TIAM1: variants seen among roughly 807,000 people sequenced by gnomAD.
TIAM1 encodes the protein rho guanine nucleotide exchange factor TIAM1.
In TIAM1, 65 loss-of-function variants were observed where a neutral mutation model predicts 163.5. That is an observed-to-expected ratio of 0.40 (90% CI 0.33 to 0.49). TIAM1 has a LOEUF of 0.49. Among genes scored for constraint, TIAM1 ranks in the 20% least tolerant of loss-of-function variants. The pLI is 0.77. For missense variants in TIAM1, 1,789 were observed against 2,044.7 expected (o/e 0.87, Z 2.41); for synonymous variants, 833 against 810.1 (o/e 1.03, Z -0.48).
rs577463432 is a variant in TIAM1 at position 31,144,652 on chromosome 21, A to AC, written c.3475+2242dup. ...AGACCAGCCTGGCCAACATGGTGAG[A>AC]CCCCCGTCTCTACTAAAAATACAAA... On this transcript the variant is annotated intron_variant, in intron 20 of 27. Coordinates refer to ENST00000541036, the MANE Select transcript of TIAM1 (RefSeq NM_001353694.2). Among the ~76,000 whole-genome samples the AC allele has an allele frequency of 7.6e-3, 1,157 of 151,522 alleles. 8 individuals are homozygous for AC. The highest frequency in any genetic ancestry group is 0.014 in the Middle Eastern group (4 of 294).
chr21:31,451,161 G>A (rs771473525), intron 2 of TIAM1, among the ~76,000 whole-genome samples: 1 of 151,872 alleles, frequency 6.6e-6, no homozygotes, highest in Non-Finnish European at 1.5e-5. Flanking sequence ...GGAGCAATAT[G>A]CGGCTCCGAG....
At chr21:31,442,430 A>G (rs1290147639) in intron 2 of TIAM1, among the ~76,000 whole-genome samples, 1 of 151,882 alleles carries the variant, frequency 6.6e-6, no homozygotes, top group Non-Finnish European at 1.5e-5. Context: ...ACAGGGTTTC[A>G]CCATGTTGGC....
intron 22 of TIAM1, among the ~76,000 whole-genome samples, chr21:31,136,581 G>T (rs879636466): frequency 2.1e-4 from 32 of 152,272 alleles, no homozygotes; most frequent in Admixed American, 7.2e-4. Flanking sequence ...ACAGGGGAGA[G>T]AAAAGGCTCA....
intron 2 of TIAM1, among the ~76,000 whole-genome samples, chr21:31,430,950 C>T (rs1206146820): frequency 6.6e-6 from 1 of 152,148 alleles, no homozygotes; most frequent in African/African-American, 2.4e-5. Flanking sequence ...CATGATCTGG[C>T]CACTGATCTT....
chr21:31,232,524 T>C (rs1383988606), intron 6 of TIAM1, among the ~76,000 whole-genome samples: 1 of 152,184 alleles, frequency 6.6e-6, no homozygotes, highest in Admixed American at 6.5e-5. Flanking sequence ...CAAAAGCTAG[T>C]TGGGTGGAGA....
intron 16 of TIAM1, chr21:31,160,694 C>T (rs369574019): frequency 2.0e-5 from 8 of 391,930 alleles, no homozygotes; most frequent in East Asian, 3.6e-5. Context: ...TGAAAATCTA[C>T]GGCCACGTCT....
chr21:31,398,695 A>C, intron 2 of TIAM1, among the ~76,000 whole-genome samples: 1 of 152,264 alleles, frequency 6.6e-6, no homozygotes, highest in East Asian at 1.9e-4. Flanking sequence ...TACAATAACA[A>C]GGGCATTAGC....
At chr21:31,333,716 G>A (rs1283356600) in intron 2 of TIAM1, among the ~76,000 whole-genome samples, 1 of 152,156 alleles carries the variant, frequency 6.6e-6, no homozygotes, top group African/African-American at 2.4e-5. Context: ...CTGGGACTAT[G>A]GGCATGGGCC....
rs370981512 is a variant in TIAM1, at chr21:31,124,503, G to A, written c.4306+19C>T. 41 of 1,611,212 alleles carry A rather than the reference G, an allele frequency of 2.5e-5. No individual in the cohort carries two copies. Among genetic ancestry groups the A allele is most frequent in the African/African-American group, 4.0e-5 (3 of 74,820 alleles). On this transcript the variant is annotated intron_variant, in intron 27 of 27. Coordinates refer to ENST00000541036, the MANE Select transcript of TIAM1 (RefSeq NM_001353694.2). ...AGTGGGGGTGACGGGAATCTTGAAC[G>A]TCCGAATCCCCACAGTACCTGCCCT...
chr21:31,280,228 G>A (rs2073487949), intron 2 of TIAM1, among the ~76,000 whole-genome samples: 1 of 152,184 alleles, frequency 6.6e-6, no homozygotes, highest in African/African-American at 2.4e-5. Flanking sequence ...ACATTCCCAC[G>A]TGTCATGGGA....
At chr21:31,472,481 C>T (rs1470067926) in intron 1 of TIAM1, among the ~76,000 whole-genome samples, 1 of 152,040 alleles carries the variant, frequency 6.6e-6, no homozygotes, top group Non-Finnish European at 1.5e-5. Flanking sequence ...GAGCCGAGAT[C>T]GTGCCACTGC....
intron 1 of TIAM1, among the ~76,000 whole-genome samples, chr21:31,531,772 A>C (rs1275733455): frequency 6.6e-6 from 1 of 151,830 alleles, no homozygotes; most frequent in Non-Finnish European, 1.5e-5. Flanking sequence ...AAAAAAAAAA[A>C]AAGATGCCTC....
At chr21:31,363,896 A>G (rs2076452753) in intron 2 of TIAM1, among the ~76,000 whole-genome samples, 1 of 152,078 alleles carries the variant, frequency 6.6e-6, no homozygotes, top group African/African-American at 2.4e-5. Flanking sequence ...CAGGAAAAAA[A>G]GGGGGAGGGG....
chr21:31,214,127 C>T (rs2146580945), intron 9 of TIAM1, among the ~76,000 whole-genome samples: 1 of 152,070 alleles, frequency 6.6e-6, no homozygotes, highest in African/African-American at 2.4e-5. Context: ...GAGTTTGAGA[C>T]CAGTTTGCTC....
intron 1 of TIAM1, among the ~76,000 whole-genome samples, chr21:31,541,284 C>G (rs1261739317): frequency 1.3e-5 from 2 of 152,004 alleles, no homozygotes; most frequent in South Asian, 4.1e-4. Context: ...TGGCAAAACC[C>G]CTTCTCTACA....
intron 1 of TIAM1, among the ~76,000 whole-genome samples, chr21:31,476,634 T>C (rs890592076): frequency 1.3e-5 from 2 of 152,146 alleles, no homozygotes; most frequent in African/African-American, 4.8e-5. Flanking sequence ...GCCAACCAAA[T>C]GATGGGTGTC....
At chr21:31,443,591 C>T (rs1473522388) in intron 2 of TIAM1, among the ~76,000 whole-genome samples, 1 of 152,140 alleles carries the variant, frequency 6.6e-6, no homozygotes, top group Non-Finnish European at 1.5e-5. Flanking sequence ...GTTTAAATGC[C>T]CTCATGTAAG....
intron 2 of TIAM1, among the ~76,000 whole-genome samples, chr21:31,350,290 G>T (rs2076213208): frequency 6.6e-6 from 1 of 152,130 alleles, no homozygotes; most frequent in African/African-American, 2.4e-5. Context: ...GGTATTCATG[G>T]GTGGGAATCA....
At chr21:31,299,203 A>C (rs2074409956) in intron 2 of TIAM1, among the ~76,000 whole-genome samples, 1 of 152,234 alleles carries the variant, frequency 6.6e-6, no homozygotes, top group South Asian at 2.1e-4. Flanking sequence ...TATGATAGGC[A>C]TATTTAATTA....
Sources: allele counts gnomAD v4.1 joint callset (sites outside exome capture counted in the v4.1 genomes callset), GRCh38; gene constraint gnomAD v4.1.1; transcripts MANE v1.5; gene names NCBI Gene and HGNC (gene_info 2026-07-23, HGNC 2026-07-21).